CACNA1E: variants seen among roughly 807,000 people sequenced by gnomAD.
CACNA1E encodes the protein calcium voltage-gated channel subunit alpha1 E, also known as voltage-dependent R-type calcium channel subunit alpha-1E.
CACNA1E carries 40 observed loss-of-function variants against 259.2 expected under a neutral mutation model. The observed-to-expected ratio is 0.15, with a 90% CI of 0.12 to 0.20. The LOEUF is 0.20. Among genes scored for constraint, CACNA1E ranks in the 10% least tolerant of loss-of-function variants. CACNA1E has a pLI of 1.00. For missense variants in CACNA1E, 1,874 were observed against 3,040.1 expected, an observed-to-expected ratio of 0.62 and a Z score of 9.02; for synonymous variants, 1,104 against 1,138.5, an observed-to-expected ratio of 0.97 and a Z score of 0.61.
At chr1:181,591,792 A>G (rs1024363675) in intron 6 of CACNA1E, among the ~76,000 whole-genome samples, 1 of 152,232 alleles carries the variant, frequency 6.6e-6, no homozygotes, top group Non-Finnish European at 1.5e-5. Context: ...GAGGATAATT[A>G]TGGTACCCAC....
At chr1:181,757,848 T>G in intron 30 of CACNA1E, 99 bp from the exon 31 acceptor site, 1 of 1,341,548 alleles carries the variant, frequency 7.5e-7, no homozygotes, top group Non-Finnish European at 1.0e-6. Context: ...CCTGCCCTTT[T>G]TCCCATTCAC....
At position 181,682,911 on chromosome 1, in the gene CACNA1E, G is replaced by T. The variant is rs374615536; in HGVS notation, c.1056-28043G>T. ...ACCAGGCCCCACCTCCAGTGTTGGG[G>T]ATTACAGCTTGACATGAGATTTGGG... On this transcript the variant is annotated intron_variant, in intron 7 of 47. Transcript: ENST00000367573. Among the ~76,000 whole-genome samples the T allele has an allele frequency of 2.0e-5, 3 of 152,176 alleles. No individual in the cohort carries two copies. In the East Asian group the frequency reaches 5.8e-4, roughly 29 times the overall value.
intron 1 of CACNA1E, among the ~76,000 whole-genome samples, chr1:181,397,877 A>G (rs566954129): frequency 6.6e-6 from 1 of 152,314 alleles, no homozygotes; most frequent in African/African-American, 2.4e-5. Context: ...GGCTAGGGCA[A>G]AAAATGACCT....
Position 181,732,774 on chromosome 1 carries a change from G to A in CACNA1E, c.2688G>A (p.Gln896=), listed in dbSNP as rs1338855516. The A allele has an allele frequency of 1.9e-6, 3 of 1,585,504 alleles. No homozygotes were observed. Among genetic ancestry groups the A allele is most frequent in the Non-Finnish European group, 1.7e-6 (2 of 1,165,624 alleles). ...RPCHGNCDPT[Q]QEAGGGEAVV... is the part of the protein sequence containing the mutation. ...GTCATGGAAACTGTGACCCGACTCA[G>A]CAGGAGGCAGGGGGAGGAGAGGCTG... Residue 896 remains glutamine, a synonymous_variant, in exon 20 of 48, where the codon CAG becomes CAA. Coordinates refer to ENST00000367573, the MANE Select transcript of CACNA1E (RefSeq NM_001205293.3). This position sits in a 1 kb window ranked among gnomAD's most constrained non-coding sequence, Gnocchi z 5.5.
chr1:181,608,099 C>T (rs1654400316), intron 6 of CACNA1E, among the ~76,000 whole-genome samples: 1 of 152,126 alleles, frequency 6.6e-6, no homozygotes, highest in African/African-American at 2.4e-5. Flanking sequence ...CCTGAATTGC[C>T]ACACTGATGC....
chr1:181,715,637 T>G (rs1241278049), intron 9 of CACNA1E, among the ~76,000 whole-genome samples: 1 of 152,210 alleles, frequency 6.6e-6, no homozygotes, highest in East Asian at 1.9e-4. Flanking sequence ...TGATTGATAC[T>G]GAGCAAGGAA....
At chr1:181,544,410 A>AC (rs1176123915) in intron 3 of CACNA1E, among the ~76,000 whole-genome samples, 1 of 151,888 alleles carries the variant, frequency 6.6e-6, no homozygotes, top group East Asian at 1.9e-4. Flanking sequence ...TAAAAAAAAA[A>AC]ACCCCACTGA....
At chr1:181,495,742 T>G (rs572290191) in intron 1 of CACNA1E, among the ~76,000 whole-genome samples, 2 of 152,342 alleles carry the variant, frequency 1.3e-5, no homozygotes, top group East Asian at 3.9e-4. Context: ...GCCTGCCTTA[T>G]AAGACTGTTG....
chr1:181,605,708 G>A (rs1190040690), intron 6 of CACNA1E, among the ~76,000 whole-genome samples: 1 of 152,122 alleles, frequency 6.6e-6, no homozygotes, highest in East Asian at 1.9e-4. Flanking sequence ...CAGTTCCTGG[G>A]TTCCAGTGTC....
At chr1:181,460,054 C>G (rs186971278) in intron 2 of CACNA1E, among the ~76,000 whole-genome samples, 1 of 152,174 alleles carries the variant, frequency 6.6e-6, no homozygotes, top group Non-Finnish European at 1.5e-5. Context: ...AATAAAGGCA[C>G]CTGAACCCTT....
chr1:181,327,986 G>A (rs570476875), intron 1 of CACNA1E, among the ~76,000 whole-genome samples: 1 of 152,198 alleles, frequency 6.6e-6, no homozygotes, highest in Admixed American at 6.5e-5. Context: ...GGATGCTGGA[G>A]CCTCTCTCTT....
intron 1 of CACNA1E, among the ~76,000 whole-genome samples, chr1:181,390,971 T>G (rs953543287): frequency 1.3e-5 from 2 of 152,174 alleles, no homozygotes; most frequent in African/African-American, 2.4e-5. Context: ...CCTTTCCATC[T>G]CTGTAATTTC....
At chr1:181,634,631 A>G (rs1039735605) in intron 6 of CACNA1E, among the ~76,000 whole-genome samples, 2 of 152,134 alleles carry the variant, frequency 1.3e-5, no homozygotes, top group Non-Finnish European at 2.9e-5. Flanking sequence ...TGCAGTCCCC[A>G]TCTTGGCTTT....
chr1:181,423,769 C>G (rs1235471613), intron 2 of CACNA1E, among the ~76,000 whole-genome samples: 1 of 151,846 alleles, frequency 6.6e-6, no homozygotes, highest in Non-Finnish European at 1.5e-5. Context: ...CTGCCAGCAT[C>G]AGACATCACT....
intron 6 of CACNA1E, among the ~76,000 whole-genome samples, chr1:181,614,229 T>C (rs1655011564): frequency 6.6e-6 from 1 of 152,216 alleles, no homozygotes; most frequent in African/African-American, 2.4e-5. Context: ...TTTTTTACAA[T>C]GATCCACATG....
chr1:181,581,449 TA>T (rs1472574178), intron 6 of CACNA1E, among the ~76,000 whole-genome samples: 4 of 152,198 alleles, frequency 2.6e-5, no homozygotes, highest in Non-Finnish European at 5.9e-5. Flanking sequence ...CTGGAGATTC[TA>T]ATTTTGTGTA....
chr1:181,433,059 C>T (rs1012990390), intron 2 of CACNA1E, among the ~76,000 whole-genome samples: 4 of 152,202 alleles, frequency 2.6e-5, no homozygotes, highest in African/African-American at 7.2e-5. Context: ...GTCAGGCGCT[C>T]AGCAGCTGCA....
intron 6 of CACNA1E, among the ~76,000 whole-genome samples, chr1:181,606,698 C>T (rs1349338797): frequency 1.3e-5 from 2 of 152,218 alleles, no homozygotes; most frequent in Non-Finnish European, 2.9e-5. Flanking sequence ...ATCCATAAGA[C>T]GAGTGGCCTC....
rs886573830 is a variant in CACNA1E at position 181,737,505 on chromosome 1, G to T, written c.3423-20G>T. The stretch of plus-strand genomic sequence containing the variant: ...GCGTGGTGGGGAGTGGGCCAGCTCA[G>T]CCATGCCCACTGCCCGCAGGATCCG... On this transcript the variant is annotated intron_variant, in intron 22 of 47. Transcript: ENST00000367573. The T allele has an allele frequency of 2.5e-6, 4 of 1,612,954 alleles. No homozygotes were observed. The African/African-American group carries it at 5.3e-5, about 22-fold the overall frequency.
Sources: gnomAD v4.1 joint callset for allele counts (sites outside exome capture counted in the v4.1 genomes callset) on GRCh38, gnomAD v4.1.1 for gene constraint, Gnocchi (gnomAD v3.1) non-coding constraint, MANE v1.5 for transcripts, NCBI Gene and HGNC (gene_info 2026-07-23, HGNC 2026-07-21) for gene names.